The following EPG5 variants were observed in gnomAD, a reference collection of about 807,000 sequenced individuals.
EPG5 encodes ectopic P-granules 5 autophagy tethering factor.
Under a neutral mutation model 302.7 loss-of-function variants are expected in EPG5, and 159 were observed. The ratio of observed to expected loss-of-function variants is 0.53; its 90% CI spans 0.46 to 0.60. The LOEUF is 0.60. EPG5 is among the 20% of genes least tolerant of loss of function. The pLI, the probability that EPG5 is intolerant of heterozygous loss-of-function variation, is 0.00. For synonymous variants in EPG5, 1,158 were observed against 1,136.8 expected (o/e 1.02, Z -0.37); for missense variants, 2,896 against 3,092.4 (o/e 0.94, Z 1.51).
rs2050983191 is a variant in EPG5, at chr18:45,954,587, A to G, written c.815T>C (p.Val272Ala). The G allele has an allele frequency of 2.5e-6, 4 of 1,614,276 alleles. No individual in the cohort carries two copies. The highest frequency in any genetic ancestry group is 2.7e-5 in the African/African-American group (2 of 75,066). ...GTCAAATTCTTCTAAATATGACTCA[A>G]CATTTTCCAGCCATGAACCAGGCTC... is the stretch of plus-strand genomic sequence containing the variant. ...ILEPGSWLEN[V>A]ESYLEEFDSM... The change falls in exon 2 of 44, where the codon GTT becomes GCT. Residue 272 changes from valine to alanine, a missense_variant. Physicochemically the swap from Val to Ala is moderately conservative, Grantham distance 64. Around this residue, in one of 5 missense-constraint regions of EPG5, gnomAD observed 1,390 missense variants for 1,430.0 expected, o/e 0.97. Transcript: ENST00000282041.
intron 6 of EPG5, among the ~76,000 whole-genome samples, chr18:45,946,998 C>T (rs1418874413): frequency 2.6e-5 from 4 of 152,256 alleles, no homozygotes; most frequent in Non-Finnish European, 4.4e-5. Context: ...AAAGCAGCTA[C>T]ACTAGCACAG....
chr18:45,813,878 C>T, the EPG5 span, among the ~76,000 whole-genome samples: 2 of 151,922 alleles, frequency 1.3e-5, no homozygotes, highest in East Asian at 3.9e-4. Context: ...CAAACCTGCA[C>T]ATTGTGCTGA....
intron 17 of EPG5, among the ~76,000 whole-genome samples, chr18:45,917,036 G>T (rs1251315708): frequency 3.3e-5 from 5 of 152,148 alleles, no homozygotes; most frequent in Non-Finnish European, 1.5e-5. Flanking sequence ...GAGAAACCTG[G>T]GAATCCATAT....
At chr18:45,913,931 A>C in intron 20 of EPG5, 103 bp from the exon 21 acceptor site, 29 of 1,425,510 alleles carry the variant, frequency 2.0e-5, no homozygotes, top group Non-Finnish European at 2.6e-5. Flanking sequence ...TCTCAAGCTC[A>C]ATCAGCAAAT....
chr18:45,954,768 C>T lies in EPG5; in HGVS notation c.634G>A (p.Val212Met). 2.5e-6 allele frequency: 4 copies of T among 1,613,880 alleles called. No individual in the cohort carries two copies. The South Asian group carries it at 3.3e-5, about 13-fold the overall frequency. Residue 212 changes from valine (V) to methionine (M), a missense_variant, in exon 2 of 44, where the codon GTG becomes ATG. By Grantham distance (21) the Val-to-Met change is conservative. Around this residue, in one of 5 missense-constraint regions of EPG5, gnomAD observed 1,390 missense variants for 1,430.0 expected, o/e 0.97. Transcript: ENST00000282041. ...PAKHGFQTPR[V>M]KKLYPQLPAE... ...GGCAACTGGGGATACAGTTTCTTCACTCTAGGTGTCTGAAAACCATGTTTG... is the reference window on the plus strand; with the variant it reads ...GGCAACTGGGGATACAGTTTCTTCATTCTAGGTGTCTGAAAACCATGTTTG...
chr18:45,946,627 A>G (rs921965402), intron 7 of EPG5, 36 bp downstream of exon 7: 2 of 1,488,944 alleles, frequency 1.3e-6, no homozygotes, highest in African/African-American at 1.4e-5. Context: ...AGAGTTCACA[A>G]TGATTCATCA....
chr18:45,818,859 G>A, the EPG5 span, among the ~76,000 whole-genome samples: 1 of 148,524 alleles, frequency 6.7e-6, no homozygotes, highest in Non-Finnish European at 1.5e-5. Flanking sequence ...TCTGCCTCCC[G>A]AATAATTTGG....
Position 45,916,470 on chromosome 18 carries a change from C to G in EPG5, c.3352G>C (p.Asp1118His). 6.2e-7 allele frequency: 1 copy of G among 1,613,634 alleles called. No individual in the cohort carries two copies. The highest frequency in any genetic ancestry group is 8.5e-7 in the Non-Finnish European group (1 of 1,179,600). ...ATGCTGTTGAGAAGCTTCACGTTGT[C>G]CCCATGGCTGGCTCCTGTCAGGTGC... ...AQHLTGASHG[D>H]NVKLLNSMIQ... The change falls in exon 18 of 44, where the codon GAC (aspartate) becomes CAC (histidine). Residue 1118 changes from aspartate (D) to histidine (H), a missense_variant. By Grantham distance (81) the Asp-to-His change is moderately conservative. Transcript: ENST00000282041.
At chr18:45,938,479 G>C (rs889374755) in intron 10 of EPG5, among the ~76,000 whole-genome samples, 8 of 141,916 alleles carry the variant, frequency 5.6e-5, no homozygotes, top group African/African-American at 1.9e-4. Context: ...AAAAAAAAAA[G>C]ATAAATTTCT....
Position 45,861,971 on chromosome 18 carries a change from G to A in EPG5, c.6767-1625C>T, listed in dbSNP as rs1323121004. Among the ~76,000 whole-genome samples the A allele has an allele frequency of 2.0e-5, 3 of 151,702 alleles. No individual in the cohort carries two copies. In the East Asian group the frequency reaches 5.8e-4, roughly 29 times the overall value. On this transcript the variant is annotated intron_variant, in intron 39 of 43. Transcript: ENST00000282041. ...TTCTACATTTCTTTTTCTCTCTTTT[G>A]CTTCTTTTAGATCATTATTCTACTT...
rs2050064869 is a variant in EPG5 at position 45,917,725 on chromosome 18, G to T, written c.3193C>A (p.Leu1065Met). Residue 1065 changes from leucine (L) to methionine (M), a missense_variant, in exon 17 of 44, where the codon CTG becomes ATG. Around this residue, in one of 5 missense-constraint regions of EPG5, gnomAD observed 1,390 missense variants for 1,430.0 expected, o/e 0.97. Coordinates refer to ENST00000282041, the MANE Select transcript of EPG5 (RefSeq NM_020964.3). Reference protein sequence around the residue: ...RTVVHVLDKILPLFYPCQYYL... With the variant: ...RTVVHVLDKIMPLFYPCQYYL... ...TACTGGCAAGGGTAAAATAAAGGCA[G>T]AATCTTATCCAGGACATGAACCACT... 1 of 1,614,138 alleles carries T rather than the reference G, an allele frequency of 6.2e-7. No homozygotes were observed. Among genetic ancestry groups the T allele is most frequent in the Non-Finnish European group, 8.5e-7 (1 of 1,179,980 alleles).
chr18:45,900,660 A>G (rs548998111), intron 26 of EPG5, among the ~76,000 whole-genome samples: 1 of 152,332 alleles, frequency 6.6e-6, no homozygotes, highest in South Asian at 2.1e-4. Flanking sequence ...GAGAAAAGAA[A>G]GGAACTCTTA....
intron 20 of EPG5, among the ~76,000 whole-genome samples, chr18:45,915,300 A>T (rs2050002834): frequency 6.6e-6 from 1 of 151,678 alleles, no homozygotes; most frequent in Admixed American, 6.6e-5. Flanking sequence ...AAATAAAAAT[A>T]AAAAACTCAG....
At chr18:45,860,029 A>T (rs963340071) in intron 40 of EPG5, 75 bp downstream of exon 40, 1 of 1,561,210 alleles carries the variant, frequency 6.4e-7, no homozygotes, top group East Asian at 2.3e-5. Context: ...GTCTGGAAAC[A>T]TATCTGCTGA....
chr18:45,829,614 G>T, the EPG5 span, among the ~76,000 whole-genome samples: 1 of 152,076 alleles, frequency 6.6e-6, no homozygotes, highest in African/African-American at 2.4e-5. Context: ...TGCCGGAAGT[G>T]CCACCCCCGG....
At chr18:45,927,593 T>C (rs4600551) in intron 13 of EPG5, among the ~76,000 whole-genome samples, 2,803 of 133,484 alleles carry the variant, frequency 0.021, 90 homozygotes, top group African/African-American at 0.076. Context: ...CAAAAAGTTA[T>C]ACACACACAC....
chr18:45,820,025 G>T, the EPG5 span, among the ~76,000 whole-genome samples: 1 of 152,178 alleles, frequency 6.6e-6, no homozygotes, highest in Non-Finnish European at 1.5e-5. Context: ...TTGTTAGTGA[G>T]AAAGCTGGGA....
intron 34 of EPG5, 59 bp downstream of exon 34, chr18:45,878,317 A>G: frequency 8.7e-7 from 1 of 1,146,822 alleles, no homozygotes; most frequent in Non-Finnish European, 1.3e-6. Context: ...ACCAAATACC[A>G]TTTAGAATTT....
chr18:45,844,760 G>A (rs1262438555), downstream of EPG5, among the ~76,000 whole-genome samples: 19 of 152,144 alleles, frequency 1.2e-4, no homozygotes, highest in Admixed American at 1.2e-3. Flanking sequence ...GGTCACAGGA[G>A]CAGGCTTGTG....
Sources: gnomAD v4.1 joint callset for allele counts (sites outside exome capture counted in the v4.1 genomes callset) on GRCh38, gnomAD v4.1.1 for gene constraint, gnomAD v4.1.1 regional missense constraint, MANE v1.5 for transcripts, NCBI Gene and HGNC (gene_info 2026-07-23, HGNC 2026-07-21) for gene names.